Variants in ZC3H13 observed in about 807,000 individuals in gnomAD.
The protein encoded by ZC3H13 is zinc finger CCCH domain-containing protein 13.
In ZC3H13, 64 loss-of-function variants were observed where a neutral mutation model predicts 204.1. The observed-to-expected ratio is 0.31, with a 90% CI of 0.26 to 0.39. The LOEUF is 0.39. ZC3H13 is among the 10% of genes least tolerant of loss of function. ZC3H13 has a pLI of 1.00. For missense variants in ZC3H13, 1,833 were observed against 2,082.7 expected (o/e 0.88, Z 2.33); for synonymous variants, 667 against 693.7 (o/e 0.96, Z 0.60).
intron 4 of ZC3H13, among the ~76,000 whole-genome samples, chr13:46,026,003 C>G (rs2042521828): frequency 6.6e-6 from 1 of 151,792 alleles, no homozygotes; most frequent in Non-Finnish European, 1.5e-5. Flanking sequence ...AATATATATA[C>G]CTAATATTTT....
intron 9 of ZC3H13, among the ~76,000 whole-genome samples, chr13:45,986,528 C>G (rs970012650): frequency 2.6e-5 from 4 of 152,174 alleles, no homozygotes; most frequent in African/African-American, 9.7e-5. Context: ...CAAACCATGT[C>G]ATTTTATAAT....
At chr13:46,004,140 CTGTGTGTGTG>C (rs113622879) in intron 7 of ZC3H13, among the ~76,000 whole-genome samples, 1 of 149,672 alleles carries the variant, frequency 6.7e-6, no homozygotes, top group South Asian at 2.1e-4. Context: ...AATGGTAACT[CTGTGTGTGTG>C]TGTGTGTGTG....
At chr13:46,033,951 C>A (rs111920955) in intron 4 of ZC3H13, among the ~76,000 whole-genome samples, 254 of 152,048 alleles carry the variant, frequency 1.7e-3, no homozygotes, top group African/African-American at 6.0e-3. Flanking sequence ...CAGAATATTA[C>A]CAATTGGTAA....
intron 17 of ZC3H13, among the ~76,000 whole-genome samples, chr13:45,959,962 T>A (rs1469770323): frequency 6.6e-6 from 1 of 152,024 alleles, no homozygotes; most frequent in Non-Finnish European, 1.5e-5. Context: ...TTTATTTATT[T>A]ATTTTTTGAG....
intron 4 of ZC3H13, among the ~76,000 whole-genome samples, chr13:46,039,962 G>C (rs745423182): frequency 6.6e-6 from 1 of 152,062 alleles, no homozygotes; most frequent in East Asian, 1.9e-4. Context: ...TACATTTACT[G>C]GCAGACCGCT....
chr13:45,989,246 T>C lies in ZC3H13; in HGVS notation c.945-149A>G, dbSNP rs2138269239. On this transcript the variant is annotated intron_variant, in intron 8 of 18. Transcript: ENST00000679008. ...ATTCACAATGCTGTAAAATTCTAAG[T>C]AAGTCACTTTTTTAACGACGTGACT... 1.4e-5 allele frequency: 12 copies of C among 846,932 alleles called. No individual in the cohort carries two copies. The South Asian group carries it at 1.9e-4, about 13-fold the overall frequency. 52.5% of individuals were successfully genotyped at this position (846,932 alleles called of 1,614,324 possible).
intron 5 of ZC3H13, among the ~76,000 whole-genome samples, chr13:46,019,602 A>G (rs2042104092): frequency 6.6e-6 from 1 of 152,194 alleles, no homozygotes; most frequent in Admixed American, 6.6e-5. Context: ...ATGACATTAC[A>G]GTGCCCATCT....
intron 10 of ZC3H13, among the ~76,000 whole-genome samples, chr13:45,984,948 T>C (rs1447732796): frequency 6.6e-6 from 1 of 152,206 alleles, no homozygotes; most frequent in African/African-American, 2.4e-5. Flanking sequence ...ACTTTAATCC[T>C]ACTTTAATTT....
At chr13:45,983,413 ATTTT>A (rs1555277661) in intron 10 of ZC3H13, among the ~76,000 whole-genome samples, 1 of 31,128 alleles carries the variant, frequency 3.2e-5, no homozygotes, top group African/African-American at 2.1e-4. Flanking sequence ...ATATATATAT[ATTTT>A]TTTTTTTTTT....
intron 8 of ZC3H13, among the ~76,000 whole-genome samples, chr13:45,994,625 A>G: frequency 6.6e-6 from 1 of 152,228 alleles, no homozygotes; most frequent in Non-Finnish European, 1.5e-5. Context: ...TTCCTGCCGC[A>G]CGCATGTGGA....
chr13:45,996,287 G>C (rs1200852149), intron 8 of ZC3H13, among the ~76,000 whole-genome samples: 1 of 152,128 alleles, frequency 6.6e-6, no homozygotes, highest in Non-Finnish European at 1.5e-5. Flanking sequence ...TAATAGGTTA[G>C]GAATATTGAC....
chr13:46,007,652 A>G (rs2041247963), intron 7 of ZC3H13, among the ~76,000 whole-genome samples: 1 of 152,226 alleles, frequency 6.6e-6, no homozygotes, highest in African/African-American at 2.4e-5. Context: ...ATTACGTTAC[A>G]GTGCTTTCCA....
intron 7 of ZC3H13, among the ~76,000 whole-genome samples, chr13:46,007,155 G>C (rs947830326): frequency 6.6e-6 from 1 of 151,816 alleles, no homozygotes; most frequent in African/African-American, 2.4e-5. Context: ...ACTAGCAGGG[G>C]GTTTACCAAA....
At chr13:45,993,206 G>T (rs897135365) in intron 8 of ZC3H13, among the ~76,000 whole-genome samples, 2 of 151,982 alleles carry the variant, frequency 1.3e-5, no homozygotes, top group Non-Finnish European at 2.9e-5. Context: ...AGAACTGTTA[G>T]GTCCAAAAAA....
chr13:46,030,523 A>T (rs2042827091), intron 4 of ZC3H13, among the ~76,000 whole-genome samples: 1 of 152,246 alleles, frequency 6.6e-6, no homozygotes, highest in African/African-American at 2.4e-5. Flanking sequence ...AGATCTTCCT[A>T]TAAAGTTCAA....
intron 15 of ZC3H13, 150 bp from the exon 16 acceptor site, chr13:45,965,582 G>C: frequency 1.5e-6 from 1 of 653,358 alleles, no homozygotes; most frequent in Non-Finnish European, 2.3e-6. Context: ...TCAAATACTT[G>C]ATAATATCAA....
At chr13:46,011,277 G>T in intron 6 of ZC3H13, 138 bp downstream of exon 6, 1 of 548,200 alleles carries the variant, frequency 1.8e-6, no homozygotes, top group East Asian at 3.6e-5. Context: ...GAATATATAT[G>T]GAGTAGTACA....
At chr13:46,020,369 A>C (rs2042151373) in intron 5 of ZC3H13, 80 bp downstream of exon 5, 2 of 993,864 alleles carry the variant, frequency 2.0e-6, no homozygotes, top group Non-Finnish European at 3.1e-6. Flanking sequence ...TCACAGTCGA[A>C]AGGTGTTCTG....
chr13:46,024,924 A>G (rs2138879300), intron 4 of ZC3H13, among the ~76,000 whole-genome samples: 1 of 152,330 alleles, frequency 6.6e-6, no homozygotes, highest in East Asian at 1.9e-4. Flanking sequence ...TTCTATGCCT[A>G]AAATCAATTC....
Sources: allele counts gnomAD v4.1 joint callset (sites outside exome capture counted in the v4.1 genomes callset), GRCh38; gene constraint gnomAD v4.1.1; transcripts MANE v1.5; gene names NCBI Gene and HGNC (gene_info 2026-07-23, HGNC 2026-07-21).